ANKRD12: variants seen among roughly 807,000 people sequenced by gnomAD.
ANKRD12 encodes ankyrin repeat domain 12, also known as ankyrin repeat domain-containing protein 12.
A neutral mutation model predicts 183.4 loss-of-function variants in ANKRD12; 85 were observed. The observed-to-expected ratio is 0.46, with a 90% CI of 0.39 to 0.56. The LOEUF (loss-of-function observed/expected upper bound fraction) is 0.56, where lower values mean the gene tolerates loss of function less well. Among genes scored for constraint, ANKRD12 ranks in the 20% least tolerant of loss-of-function variants. The pLI is 0.00. For missense variants in ANKRD12, 2,405 were observed against 2,357.1 expected (o/e 1.02, Z -0.42); for synonymous variants, 914 against 800.2 (o/e 1.14, Z -2.40).
chr18:9,159,675 G>A (rs1256898586), intron 1 of ANKRD12, among the ~76,000 whole-genome samples: 2 of 151,500 alleles, frequency 1.3e-5, no homozygotes. Context: ...TCCTGACCTC[G>A]TGATCCACCC....
intron 11 of ANKRD12, among the ~76,000 whole-genome samples, chr18:9,278,795 A>G (rs1426692762): frequency 6.6e-6 from 1 of 151,962 alleles, no homozygotes; most frequent in Admixed American, 6.6e-5. Flanking sequence ...AAAAAAAAAA[A>G]GAAAATGTGA....
intron 1 of ANKRD12, among the ~76,000 whole-genome samples, chr18:9,177,219 G>A (rs1410791996): frequency 2.0e-5 from 3 of 152,094 alleles, no homozygotes; most frequent in Non-Finnish European, 2.9e-5. Flanking sequence ...ATTGTTACAC[G>A]GAGAATGGAG....
intron 8 of ANKRD12, among the ~76,000 whole-genome samples, chr18:9,223,884 A>T (rs941827522): frequency 6.6e-6 from 1 of 152,240 alleles, no homozygotes; most frequent in Non-Finnish European, 1.5e-5. Context: ...TTCTGTGTTC[A>T]GTAAAAGTTC....
At chr18:9,263,012 G>A (rs573763328) in intron 9 of ANKRD12, among the ~76,000 whole-genome samples, 6 of 151,440 alleles carry the variant, frequency 4.0e-5, no homozygotes, top group African/African-American at 1.2e-4. Context: ...TAATCAGGCT[G>A]GTCTCGAACT....
At chr18:9,139,114 C>G (rs2078229325) in intron 1 of ANKRD12, among the ~76,000 whole-genome samples, 2 of 152,124 alleles carry the variant, frequency 1.3e-5, no homozygotes, top group African/African-American at 2.4e-5. Flanking sequence ...GTGGAAATCT[C>G]TGGGTGTGTA....
At chr18:9,269,018 C>T (rs532555526) in intron 10 of ANKRD12, among the ~76,000 whole-genome samples, 2 of 152,240 alleles carry the variant, frequency 1.3e-5, no homozygotes, top group East Asian at 3.9e-4. Flanking sequence ...CTCCCATTCA[C>T]AATTGCTTCA....
chr18:9,210,636 T>A (rs145725467), intron 5 of ANKRD12, among the ~76,000 whole-genome samples: 117 of 147,672 alleles, frequency 7.9e-4, no homozygotes, highest in Middle Eastern at 7.4e-3. Flanking sequence ...TGGAAGAATT[T>A]CATTTCTTGA....
chr18:9,246,624 AC>A (rs1410983253), intron 8 of ANKRD12, among the ~76,000 whole-genome samples: 1 of 152,230 alleles, frequency 6.6e-6, no homozygotes, highest in African/African-American at 2.4e-5. Context: ...ACAATGTTAA[AC>A]AAATAAGGGA....
chr18:9,221,852 A>G lies in ANKRD12; in HGVS notation c.796A>G (p.Ile266Val), dbSNP rs758869874. The stretch of plus-strand genomic sequence containing the variant: ...GTCTTCCTGCTTTTTATTGTTGCAG[A>G]TAGTAAAGCTGTTACTTCGTCACGG... ...HDSASSGHRDIVKLLLRHGGN... is the reference protein window; with the variant it reads ...HDSASSGHRDVVKLLLRHGGN... Residue 266 changes from isoleucine (I) to valine (V), a missense_variant and splice_region_variant, in exon 8 of 13, where the codon ATA (isoleucine) becomes GTA (valine). Ile to Val is a conservative substitution (Grantham distance 29). Transcript: ENST00000262126. 9.9e-6 allele frequency: 16 copies of G among 1,613,462 alleles called. No individual in the cohort carries two copies. The highest frequency in any genetic ancestry group is 1.2e-5 in the Non-Finnish European group (14 of 1,179,746).
intron 3 of ANKRD12, among the ~76,000 whole-genome samples, chr18:9,200,186 A>G (rs1235255096): frequency 6.6e-6 from 1 of 152,240 alleles, no homozygotes; most frequent in Non-Finnish European, 1.5e-5. Flanking sequence ...AACACTTTCT[A>G]GAAAAGTAAT....
Position 9,254,762 on chromosome 18 carries a change from A to G in ANKRD12, c.1495A>G (p.Arg499Gly). The G allele has an allele frequency of 6.8e-7, 1 of 1,472,182 alleles. No homozygotes were observed. 91.2% of individuals were successfully genotyped at this position (1,472,182 alleles called of 1,614,324 possible). The change falls in exon 9 of 13, where the codon AGA (arginine) becomes GGA (glycine). Residue 499 changes from arginine to glycine, a missense_variant. By Grantham distance (125) the Arg-to-Gly change is moderately radical (BLOSUM62 -2). Transcript: ENST00000262126. ...KQEKEGKENT[R>G]ITNLTVNTGL... Reference sequence around the variant, plus strand: ...AGAAAAGGAAGGAAAAGAAAATACAAGAATAACAAACTTGACAGTAAATAC... The same window carrying G: ...AGAAAAGGAAGGAAAAGAAAATACAGGAATAACAAACTTGACAGTAAATAC...
chr18:9,139,328 C>G (rs186069794), intron 1 of ANKRD12, among the ~76,000 whole-genome samples: 1 of 152,278 alleles, frequency 6.6e-6, no homozygotes, highest in Admixed American at 6.5e-5. Context: ...GTCGATATTA[C>G]TTTTTCCCCT....
chr18:9,195,570 C>T lies in ANKRD12; in HGVS notation c.107C>T (p.Ser36Phe). The part of the protein sequence containing the change: ...YGRKSKDKIA[S>F]YSKTPKIERS... ...TAATAGAGTAAAGACAAGATTGCAT[C>T]CTACAGCAAAACTCCAAAAATTGAA... Residue 36 changes from serine to phenylalanine, a missense_variant, in exon 3 of 13, where the codon TCC becomes TTC. This residue lies in a region of ANKRD12 where 145 missense variants were observed against 145.6 expected (regional missense o/e 1.00). Transcript: ENST00000262126. The T allele has an allele frequency of 6.2e-7, 1 of 1,607,052 alleles. No homozygotes were observed. Among genetic ancestry groups the T allele is most frequent in the Non-Finnish European group, 8.5e-7 (1 of 1,176,350 alleles).
rs151040544 is a variant in ANKRD12, at chr18:9,284,578, C to G, written c.*3452C>G. The G allele has an allele frequency of 6.6e-6, 1 of 151,830 alleles. No individual in the cohort carries two copies. The allele number at this position is 151,830 out of a possible 1,614,324, so 9.4% of individuals were successfully genotyped here. ...TTTTTGTTAGATAATAATGGAAAAGCTTGTGTGAGTTTAGTGGTTAAAATA... is the reference window on the plus strand; with the variant it reads ...TTTTTGTTAGATAATAATGGAAAAGGTTGTGTGAGTTTAGTGGTTAAAATA... On this transcript the variant is annotated 3_prime_UTR_variant, in exon 13 of 13. Transcript: ENST00000262126.
At chr18:9,211,504 C>G (rs1170438557) in intron 5 of ANKRD12, 80 bp from the exon 6 acceptor site, 14 of 1,275,084 alleles carry the variant, frequency 1.1e-5, no homozygotes, top group African/African-American at 1.5e-5. Flanking sequence ...AGGAGATTAG[C>G]ATATTACCAA....
rs970924291 is a variant in ANKRD12, at chr18:9,254,621, T to G, written c.1354T>G (p.Ser452Ala). Reference sequence around the variant, plus strand: ...TTCCGTCATCCCTGAAACATCAAATTCTGATATGCAAACCAAAAAGGAATA... The same window carrying G: ...TTCCGTCATCCCTGAAACATCAAATGCTGATATGCAAACCAAAAAGGAATA... ...SCSVIPETSNSDMQTKKEYVV... is the reference protein window; with the variant it reads ...SCSVIPETSNADMQTKKEYVV... Residue 452 changes from serine to alanine, a missense_variant, in exon 9 of 13, where the codon TCT becomes GCT. Physicochemically the swap from Ser to Ala is moderately conservative, Grantham distance 99. Coordinates refer to ENST00000262126, the MANE Select transcript of ANKRD12 (RefSeq NM_015208.5). 1.3e-6 allele frequency: 2 copies of G among 1,584,260 alleles called. No individual in the cohort carries two copies. Among genetic ancestry groups the G allele is most frequent in the African/African-American group, 2.7e-5 (2 of 73,418 alleles).
chr18:9,248,584 T>C (rs75643928), intron 8 of ANKRD12, among the ~76,000 whole-genome samples: 11,228 of 152,268 alleles, frequency 0.074, 426 homozygotes, highest in African/African-American at 0.083. Context: ...TTACTTGTGT[T>C]TGCAGTTATT....
chr18:9,234,688 T>C (rs1366784285), intron 8 of ANKRD12, among the ~76,000 whole-genome samples: 1 of 152,016 alleles, frequency 6.6e-6, no homozygotes, highest in East Asian at 1.9e-4. Context: ...ACAGCTGGGC[T>C]GTCGTGGTGG....
intron 2 of ANKRD12, among the ~76,000 whole-genome samples, chr18:9,189,794 A>C (rs1164587736): frequency 1.3e-5 from 2 of 152,248 alleles, no homozygotes; most frequent in Non-Finnish European, 2.9e-5. Flanking sequence ...ATTATTTTCA[A>C]AATATTACTG....
Sources: allele counts gnomAD v4.1 joint callset (sites outside exome capture counted in the v4.1 genomes callset), GRCh38; gene constraint gnomAD v4.1.1; regional missense constraint gnomAD v4.1.1; transcripts MANE v1.5; gene names NCBI Gene and HGNC (gene_info 2026-07-23, HGNC 2026-07-21).